Variants in TNIK observed in about 807,000 individuals in gnomAD.
TNIK encodes TRAF2 and NCK interacting kinase, also known as TRAF2 and NCK-interacting protein kinase.
Under a neutral mutation model 191.3 loss-of-function variants are expected in TNIK, and 49 were observed. The observed-to-expected ratio is 0.26, with a 90% CI of 0.20 to 0.32. TNIK has a LOEUF of 0.32. Ranked by LOEUF, TNIK falls within the 10% of genes least tolerant of loss-of-function variation. The pLI, the probability that TNIK is intolerant of heterozygous loss-of-function variation, is 1.00. For missense variants in TNIK, 1,155 were observed against 1,702.3 expected (o/e 0.68, Z 5.66); for synonymous variants, 594 against 600.9 (o/e 0.99, Z 0.17).
intron 9 of TNIK, among the ~76,000 whole-genome samples, chr3:171,170,876 C>T (rs1014522568): frequency 3.4e-4 from 52 of 152,204 alleles, no homozygotes; most frequent in African/African-American, 1.1e-3. Context: ...TATAGCAAGA[C>T]GGTCTCTTTA....
At chr3:171,138,432 A>G in intron 14 of TNIK, 53 bp from the exon 15 acceptor site, 1 of 1,449,856 alleles carries the variant, frequency 6.9e-7, no homozygotes. Flanking sequence ...TCACATAGAA[A>G]TCATCGGCCA....
intron 2 of TNIK, among the ~76,000 whole-genome samples, chr3:171,258,205 G>A (rs1329409684): frequency 6.6e-6 from 1 of 152,132 alleles, no homozygotes; most frequent in East Asian, 1.9e-4. Flanking sequence ...ATATCTCTGT[G>A]CAATTGGAAA....
intron 5 of TNIK, among the ~76,000 whole-genome samples, chr3:171,192,416 CAG>C (rs1293355810): frequency 1.3e-5 from 2 of 152,132 alleles, no homozygotes; most frequent in African/African-American, 4.8e-5. Flanking sequence ...CTCTTGTGGC[CAG>C]AGACCTTTGG....
intron 2 of TNIK, among the ~76,000 whole-genome samples, chr3:171,304,608 C>T (rs1753219473): frequency 6.6e-6 from 1 of 152,100 alleles, no homozygotes; most frequent in Admixed American, 6.6e-5. Flanking sequence ...TTGGAACCAA[C>T]CCAAATGTCC....
chr3:171,194,469 T>G, intron 5 of TNIK, 56 bp downstream of exon 5: 1 of 1,455,336 alleles, frequency 6.9e-7, no homozygotes, highest in South Asian at 1.2e-5. Context: ...CCTCATAAGA[T>G]ATCATGTGTT....
chr3:171,458,610 A>G (rs1279240263), intron 1 of TNIK, among the ~76,000 whole-genome samples: 1 of 152,226 alleles, frequency 6.6e-6, no homozygotes, highest in Non-Finnish European at 1.5e-5. Context: ...CTTTGATCAC[A>G]AAGGTAGCAC....
At chr3:171,167,460 A>G (rs1282596893) in intron 9 of TNIK, among the ~76,000 whole-genome samples, 190 bp from the exon 10 acceptor site, 1 of 152,214 alleles carries the variant, frequency 6.6e-6, no homozygotes, top group Non-Finnish European at 1.5e-5. Context: ...CATCATCATC[A>G]ACGTGCAATT....
intron 2 of TNIK, among the ~76,000 whole-genome samples, chr3:171,284,884 G>C (rs1750850405): frequency 6.6e-6 from 1 of 152,216 alleles, no homozygotes; most frequent in African/African-American, 2.4e-5. Flanking sequence ...GTAAGGGGGA[G>C]AACTCAGAGA....
intron 2 of TNIK, among the ~76,000 whole-genome samples, chr3:171,235,712 A>G (rs1744178333): frequency 6.6e-6 from 1 of 151,846 alleles, no homozygotes; most frequent in Non-Finnish European, 1.5e-5. Flanking sequence ...AACTTTTAAA[A>G]GTTAACAACC....
At chr3:171,372,137 T>C (rs1375770237) in intron 1 of TNIK, among the ~76,000 whole-genome samples, 1 of 152,178 alleles carries the variant, frequency 6.6e-6, no homozygotes, top group Admixed American at 6.5e-5. Context: ...CAGGAAGATC[T>C]GGACAGCTGA....
intron 1 of TNIK, among the ~76,000 whole-genome samples, chr3:171,392,888 C>T (rs1719751244): frequency 6.6e-6 from 1 of 151,248 alleles, no homozygotes; most frequent in Non-Finnish European, 1.5e-5. Context: ...CAACTATTTT[C>T]TGGGCAAAAA....
At chr3:171,232,335 A>G (rs1207656150) in intron 2 of TNIK, among the ~76,000 whole-genome samples, 2 of 151,612 alleles carry the variant, frequency 1.3e-5, no homozygotes, top group Non-Finnish European at 2.9e-5. Context: ...GGACAAATGT[A>G]TGAATGAAAA....
At position 171,123,583 on chromosome 3, in the gene TNIK, C is replaced by T. The variant is rs542009692; in HGVS notation, c.2120+13G>A. The T allele has an allele frequency of 6.5e-7, 1 of 1,531,710 alleles. No individual in the cohort carries two copies. Among genetic ancestry groups the T allele is most frequent in the Admixed American group, 2.2e-5 (1 of 46,490 alleles). The allele number at this position is 1,531,710 out of a possible 1,614,324, so 94.9% of individuals were successfully genotyped here. On this transcript the variant is annotated intron_variant, in intron 18 of 32. Coordinates refer to ENST00000436636, the MANE Select transcript of TNIK (RefSeq NM_015028.4). ...GAGTTTCTTCTTTTACCATAACCAC[C>T]TTCCTTTCTTACCTTGCTCTGATGG...
At chr3:171,224,555 T>C (rs1038345861) in intron 3 of TNIK, among the ~76,000 whole-genome samples, 2 of 152,074 alleles carry the variant, frequency 1.3e-5, no homozygotes, top group Non-Finnish European at 2.9e-5. Context: ...AGTGGTACTC[T>C]CATTTTGATG....
chr3:171,342,485 G>T (rs1757638764), intron 2 of TNIK, among the ~76,000 whole-genome samples: 1 of 152,040 alleles, frequency 6.6e-6, no homozygotes. Flanking sequence ...TATGGTACCA[G>T]AAAATGAGGA....
At chr3:171,274,311 T>C (rs946367840) in intron 2 of TNIK, among the ~76,000 whole-genome samples, 1 of 152,142 alleles carries the variant, frequency 6.6e-6, no homozygotes, top group East Asian at 1.9e-4. Flanking sequence ...CTCCAACTTA[T>C]CAAAATACAA....
At chr3:171,073,137 T>G (rs1247962246) in intron 28 of TNIK, among the ~76,000 whole-genome samples, 6 of 152,176 alleles carry the variant, frequency 3.9e-5, no homozygotes, top group Admixed American at 3.9e-4. Flanking sequence ...TCACATTACC[T>G]GACATCAAAC....
intron 1 of TNIK, among the ~76,000 whole-genome samples, chr3:171,371,179 T>C (rs995865158): frequency 9.9e-5 from 15 of 152,120 alleles, no homozygotes; most frequent in African/African-American, 3.4e-4. Flanking sequence ...CTAATAGTAA[T>C]CACTTTTAAG....
chr3:171,261,473 A>T (rs377300052), intron 2 of TNIK, among the ~76,000 whole-genome samples: 85 of 152,286 alleles, frequency 5.6e-4, no homozygotes, highest in African/African-American at 2.0e-3. Context: ...TCAAACAAGA[A>T]CCCCAGCAGG....
Sources: gnomAD v4.1 joint callset for allele counts (sites outside exome capture counted in the v4.1 genomes callset) on GRCh38, gnomAD v4.1.1 for gene constraint, MANE v1.5 for transcripts, NCBI Gene and HGNC (gene_info 2026-07-23, HGNC 2026-07-21) for gene names.